Variants in ODAD2 observed in about 807,000 individuals in gnomAD.
ODAD2 encodes outer dynein arm-docking complex subunit 2.
In ODAD2, 89 loss-of-function variants were observed where a neutral mutation model predicts 106.8. The observed-to-expected ratio is 0.83, with a 90% CI of 0.70 to 0.99. The LOEUF is 0.99. Among genes scored for constraint, ODAD2 ranks in the 50% least tolerant of loss-of-function variants. The probability of loss-of-function intolerance (pLI) is 0.00; values close to 1 mark genes in which losing one functional copy is unlikely to be tolerated. For missense variants in ODAD2, 1,168 were observed against 1,238.5 expected (o/e 0.94, Z 0.85); for synonymous variants, 404 against 436.2 (o/e 0.93, Z 0.92).
At chr10:27,992,384 C>T (rs1263981788) in intron 2 of ODAD2, among the ~76,000 whole-genome samples, 1 of 152,142 alleles carries the variant, frequency 6.6e-6, no homozygotes, top group Non-Finnish European at 1.5e-5. Flanking sequence ...GGAGGGAACA[C>T]TGTGCATAAA....
At chr10:27,983,565 A>C (rs757508310) in intron 6 of ODAD2, among the ~76,000 whole-genome samples, 4 of 152,206 alleles carry the variant, frequency 2.6e-5, no homozygotes. Flanking sequence ...TGTGTAATGA[A>C]TCAGTGAAGT....
chr10:27,911,474 T>C (rs534024117), intron 16 of ODAD2, among the ~76,000 whole-genome samples: 1 of 152,334 alleles, frequency 6.6e-6, no homozygotes, highest in East Asian at 1.9e-4. Context: ...ATTGGGAAAC[T>C]ACAGTCTTGT....
chr10:27,857,731 G>A (rs1399234094), intron 19 of ODAD2, among the ~76,000 whole-genome samples: 12 of 152,258 alleles, frequency 7.9e-5, no homozygotes, highest in Admixed American at 2.0e-4. Context: ...CAGATACACC[G>A]CATTACATCG....
rs140569195 is a variant in ODAD2 at position 27,944,256 on chromosome 10, C to T, written c.1709G>A (p.Arg570Gln). The T allele has an allele frequency of 3.2e-4, 510 of 1,613,528 alleles. 1 individual carries two copies. The highest frequency in any genetic ancestry group is 2.6e-3 in the Middle Eastern group (15 of 5,722). ...ANVAKFKRAR[R>Q]VVRQHGGITK... ...GATACCCCCGTGCTGCCTCACCACC[C>T]GCCGTGCTCTTTTAAACTTGGCAAC... Residue 570 changes from arginine (R) to glutamine (Q), a missense_variant, in exon 12 of 20, where the codon CGG becomes CAG. Physicochemically the swap from Arg to Gln is conservative, Grantham distance 43. Around this residue, in one of 3 missense-constraint regions of ODAD2, gnomAD observed 701 missense variants for 712.3 expected, o/e 0.98. Transcript: ENST00000305242.
At chr10:27,992,138 T>C (rs1481081499) in intron 2 of ODAD2, among the ~76,000 whole-genome samples, 1 of 152,180 alleles carries the variant, frequency 6.6e-6, no homozygotes, top group Non-Finnish European at 1.5e-5. Context: ...ATCTCAGCTG[T>C]ACACTTTGCC....
chr10:27,944,555 G>T (rs1846734874), intron 11 of ODAD2, 124 bp from the exon 12 acceptor site: 1 of 894,242 alleles, frequency 1.1e-6, no homozygotes, highest in Non-Finnish European at 1.7e-6. Flanking sequence ...ATTCCCAGAG[G>T]TTACACACAT....
At chr10:27,938,663 G>A (rs376615534) in intron 14 of ODAD2, among the ~76,000 whole-genome samples, 2 of 150,182 alleles carry the variant, frequency 1.3e-5, no homozygotes, top group South Asian at 2.1e-4. Flanking sequence ...CCAGTGGCGC[G>A]ATCTTGGCTC....
chr10:27,890,167 A>T (rs952693187), intron 17 of ODAD2, among the ~76,000 whole-genome samples: 1 of 152,200 alleles, frequency 6.6e-6, no homozygotes, highest in Non-Finnish European at 1.5e-5. Flanking sequence ...CAGTGAGGTC[A>T]ATGGGCAGGG....
chr10:27,885,855 ATTT>A (rs1295890534), intron 17 of ODAD2, among the ~76,000 whole-genome samples: 1 of 109,114 alleles, frequency 9.2e-6, no homozygotes, highest in Non-Finnish European at 1.7e-5. Flanking sequence ...GGATATATAT[ATTT>A]ATATATAAAA....
chr10:27,980,429 C>A (rs1849472618), intron 7 of ODAD2, among the ~76,000 whole-genome samples: 1 of 152,032 alleles, frequency 6.6e-6, no homozygotes, highest in Non-Finnish European at 1.5e-5. Context: ...AATTTGCAAA[C>A]CTTCTATCTG....
At chr10:27,967,285 G>A (rs1848543323) in intron 9 of ODAD2, among the ~76,000 whole-genome samples, 1 of 151,284 alleles carries the variant, frequency 6.6e-6, no homozygotes, top group Non-Finnish European at 1.5e-5. Context: ...CCTCAGAGAA[G>A]GCCTGACAGG....
intron 7 of ODAD2, among the ~76,000 whole-genome samples, chr10:27,981,169 G>T (rs751819652): frequency 1.1e-4 from 16 of 152,120 alleles, no homozygotes; most frequent in South Asian, 2.1e-4. Flanking sequence ...AGTCAGGGAA[G>T]AAGGAATGGG....
At chr10:27,812,651 G>A (rs767086472) in intron 19 of ODAD2, 26 bp from the exon 20 acceptor site, 1 of 1,541,208 alleles carries the variant, frequency 6.5e-7, no homozygotes, top group Non-Finnish European at 8.7e-7. Context: ...AGGAGAAGAA[G>A]GGACACAAGA....
intron 19 of ODAD2, among the ~76,000 whole-genome samples, chr10:27,832,157 A>T (rs1344792949): frequency 6.6e-6 from 1 of 152,222 alleles, no homozygotes; most frequent in Non-Finnish European, 1.5e-5. Context: ...GAGAAGATTT[A>T]AAAACCACTC....
rs74127110 is a variant in ODAD2, at chr10:27,825,290, G to T, written c.3022-12665C>A. Among the ~76,000 whole-genome samples, 1,089 of 152,204 alleles carry T rather than the reference G, an allele frequency of 7.2e-3. 31 individuals are homozygous for T. The highest frequency in any genetic ancestry group is 0.041 in the Admixed American group (622 of 15,294). Reference sequence around the variant, plus strand: ...AATGATTAGGCCAAGTTCTCAATACGCAAAAAGATCTGGAGCTGACTTTAA... The same window carrying T: ...AATGATTAGGCCAAGTTCTCAATACTCAAAAAGATCTGGAGCTGACTTTAA... On this transcript the variant is annotated intron_variant, in intron 19 of 19. Transcript: ENST00000305242.
At chr10:27,832,906 T>A (rs1564407434) in intron 19 of ODAD2, among the ~76,000 whole-genome samples, 1 of 152,152 alleles carries the variant, frequency 6.6e-6, no homozygotes, top group African/African-American at 2.4e-5. Context: ...ATGAAAAGAA[T>A]AAGTAATAGG....
chr10:27,876,360 G>C (rs955471229), intron 17 of ODAD2, among the ~76,000 whole-genome samples: 2 of 152,124 alleles, frequency 1.3e-5, no homozygotes, highest in Non-Finnish European at 2.9e-5. Flanking sequence ...CCAGATGAAC[G>C]ATCAGGCAGC....
At chr10:27,874,835 G>A (rs1396043082) in intron 17 of ODAD2, among the ~76,000 whole-genome samples, 1 of 152,090 alleles carries the variant, frequency 6.6e-6, no homozygotes, top group Non-Finnish European at 1.5e-5. Flanking sequence ...TATGTGTCTT[G>A]GAGTTGCTCT....
intron 16 of ODAD2, among the ~76,000 whole-genome samples, chr10:27,913,584 G>A (rs1419671420): frequency 6.6e-6 from 1 of 152,020 alleles, no homozygotes; most frequent in Non-Finnish European, 1.5e-5. Context: ...TGCAAACTAT[G>A]CATCTGACAA....
Sources: allele counts gnomAD v4.1 joint callset (sites outside exome capture counted in the v4.1 genomes callset), GRCh38; gene constraint gnomAD v4.1.1; regional missense constraint gnomAD v4.1.1; transcripts MANE v1.5; gene names NCBI Gene and HGNC (gene_info 2026-07-23, HGNC 2026-07-21).